The following MED27 variants were observed in gnomAD, a reference collection of about 807,000 sequenced individuals.
The protein encoded by MED27 is mediator complex subunit 27.
Under a neutral mutation model 38.2 loss-of-function variants are expected in MED27, and 30 were observed. That is an observed-to-expected ratio of 0.79 (90% CI 0.59 to 1.07). The LOEUF is 1.07. Ranked by LOEUF, MED27 falls within the 50% of genes least tolerant of loss-of-function variation. The pLI, the probability that MED27 is intolerant of heterozygous loss-of-function variation, is 0.00. For missense variants in MED27, 289 were observed against 397.5 expected (o/e 0.73, Z 2.32); for synonymous variants, 122 against 153.5 (o/e 0.79, Z 1.52).
In MED27 at chr9:132,077,549, A is replaced by G; in HGVS notation, c.241T>C (p.Ser81Pro). The G allele has an allele frequency of 6.2e-7, 1 of 1,614,180 alleles. No homozygotes were observed. The change falls in exon 2 of 8, where the codon TCT (serine) becomes CCT (proline). Residue 81 changes from serine to proline, a missense_variant. Transcript: ENST00000292035. ...CTGTTATGAAGAGGATGGTTCTCAGATGGCTTGCCTACCAGATTGCTCAGA... is the reference window on the plus strand; with the variant it reads ...CTGTTATGAAGAGGATGGTTCTCAGGTGGCTTGCCTACCAGATTGCTCAGA... ...ERLSNLVGKP[S>P]ENHPLHNSGL...
At chr9:131,887,324 T>G (rs183070106) in intron 5 of MED27, among the ~76,000 whole-genome samples, 1 of 152,288 alleles carries the variant, frequency 6.6e-6, no homozygotes, top group Admixed American at 6.5e-5. Context: ...TTAAAAGGTT[T>G]AAATGTATTA....
chr9:132,069,597 T>C (rs1012321624), intron 2 of MED27, among the ~76,000 whole-genome samples: 2 of 152,172 alleles, frequency 1.3e-5, no homozygotes, highest in African/African-American at 2.4e-5. Flanking sequence ...CTCTGGAGCA[T>C]ACAAAAAGGC....
chr9:132,075,894 G>A (rs1449130824), intron 2 of MED27, among the ~76,000 whole-genome samples: 3 of 152,076 alleles, frequency 2.0e-5, no homozygotes, highest in Non-Finnish European at 2.9e-5. Context: ...CATCCCTTCC[G>A]GGAACTCCCT....
rs569505345 is a variant in MED27 at position 131,966,243 on chromosome 9, G to A, written c.480-26769C>T. 3.5e-5 allele frequency among the ~76,000 whole-genome samples: 5 copies of A among 143,460 alleles called. 1 individual carries two copies. The East Asian group carries it at 1.0e-3, about 29-fold the overall frequency. The allele number at this position is 143,460 out of a possible 152,430, so 94.1% of individuals were successfully genotyped here. On this transcript the variant is annotated intron_variant, in intron 3 of 7. Coordinates refer to ENST00000292035, the MANE Select transcript of MED27 (RefSeq NM_004269.4). ...AAACAAAACCAAAAGCAACTGATTTGCCAGGCATGGTGGCATGTGCCTGTA... is the reference window on the plus strand; with the variant it reads ...AAACAAAACCAAAAGCAACTGATTTACCAGGCATGGTGGCATGTGCCTGTA...
At position 131,978,941 on chromosome 9, in the gene MED27, C is replaced by T. The variant is rs957894920; in HGVS notation, c.479+35396G>A. Among the ~76,000 whole-genome samples, 4 of 152,220 alleles carry T rather than the reference C, an allele frequency of 2.6e-5. No homozygotes were observed. In the East Asian group the frequency reaches 7.7e-4, roughly 29 times the overall value. On this transcript the variant is annotated intron_variant, in intron 3 of 7. Coordinates refer to ENST00000292035, the MANE Select transcript of MED27 (RefSeq NM_004269.4). ...TCATCCCTACCCTTTCTCCCACTTT[C>T]CTTGCTCTTCCTTTATACTACAAAG...
chr9:132,026,036 C>T (rs989968758), intron 2 of MED27, among the ~76,000 whole-genome samples: 8 of 152,212 alleles, frequency 5.3e-5, no homozygotes, highest in East Asian at 1.9e-4. Context: ...GAGCCTAATA[C>T]GAGAAGGGCT....
At chr9:131,890,432 A>C (rs546546152) in intron 5 of MED27, among the ~76,000 whole-genome samples, 2 of 152,324 alleles carry the variant, frequency 1.3e-5, no homozygotes, top group African/African-American at 4.8e-5. Flanking sequence ...TTTCCTTCGG[A>C]GAAAGAGAGA....
At chr9:131,926,173 C>G (rs1830479694) in intron 4 of MED27, among the ~76,000 whole-genome samples, 1 of 152,208 alleles carries the variant, frequency 6.6e-6, no homozygotes. Flanking sequence ...ATTTTCTATG[C>G]TACAGACAGG....
chr9:131,954,991 A>G (rs1328583417), intron 3 of MED27, among the ~76,000 whole-genome samples: 1 of 152,150 alleles, frequency 6.6e-6, no homozygotes, highest in Non-Finnish European at 1.5e-5. Flanking sequence ...TATATATTCT[A>G]TATCCCAAAA....
chr9:131,866,044 C>T (rs543533392), intron 6 of MED27, among the ~76,000 whole-genome samples: 4 of 152,328 alleles, frequency 2.6e-5, no homozygotes, highest in Admixed American at 2.6e-4. Flanking sequence ...CTACTCCACT[C>T]ATCAGGGGCC....
intron 2 of MED27, among the ~76,000 whole-genome samples, chr9:132,040,249 G>C (rs956250214): frequency 2.0e-5 from 3 of 152,182 alleles, no homozygotes; most frequent in Admixed American, 6.5e-5. Context: ...TCTTCCCTGC[G>C]GCGGGGAAAT....
At chr9:131,890,638 C>T in intron 5 of MED27, among the ~76,000 whole-genome samples, 1 of 152,188 alleles carries the variant, frequency 6.6e-6, no homozygotes, top group East Asian at 1.9e-4. Flanking sequence ...TCCTCCCAGA[C>T]AGGACTGGGC....
chr9:131,969,972 G>A (rs979477619), intron 3 of MED27, among the ~76,000 whole-genome samples: 15 of 152,176 alleles, frequency 9.9e-5, no homozygotes, highest in Non-Finnish European at 1.8e-4. Context: ...GGGCTGGGGG[G>A]GGGTGGGGGC....
intron 3 of MED27, among the ~76,000 whole-genome samples, chr9:131,994,209 T>C (rs1832040755): frequency 6.6e-6 from 1 of 152,206 alleles, no homozygotes; most frequent in African/African-American, 2.4e-5. Flanking sequence ...TACATTGTTT[T>C]GCTTCAAGTC....
chr9:131,892,752 T>C (rs1839249726), intron 5 of MED27, among the ~76,000 whole-genome samples: 1 of 152,186 alleles, frequency 6.6e-6, no homozygotes, highest in Non-Finnish European at 1.5e-5. Flanking sequence ...GGAGCAGCTG[T>C]CAGAGTTTAC....
chr9:131,906,952 C>T (rs937277012), intron 4 of MED27, among the ~76,000 whole-genome samples: 1 of 152,154 alleles, frequency 6.6e-6, no homozygotes, highest in African/African-American at 2.4e-5. Context: ...AGGTTAACTT[C>T]CTGACATTGC....
chr9:131,979,686 G>C (rs1012428959), intron 3 of MED27, among the ~76,000 whole-genome samples: 2 of 152,162 alleles, frequency 1.3e-5, no homozygotes, highest in Non-Finnish European at 2.9e-5. Flanking sequence ...TTTAGGAATG[G>C]AGAGTTTACA....
At chr9:132,015,270 T>C (rs954355482) in intron 2 of MED27, among the ~76,000 whole-genome samples, 1 of 152,206 alleles carries the variant, frequency 6.6e-6, no homozygotes, top group Non-Finnish European at 1.5e-5. Context: ...TTCAAGTCCA[T>C]GGACATGCAA....
intron 3 of MED27, among the ~76,000 whole-genome samples, chr9:131,961,698 C>A (rs1831218876): frequency 2.0e-5 from 3 of 152,214 alleles, no homozygotes; most frequent in African/African-American, 7.2e-5. Context: ...GAGCCTCATG[C>A]TGGGGAGGCG....
Sources: gnomAD v4.1 joint callset for allele counts (sites outside exome capture counted in the v4.1 genomes callset) on GRCh38, gnomAD v4.1.1 for gene constraint, MANE v1.5 for transcripts, NCBI Gene and HGNC (gene_info 2026-07-23, HGNC 2026-07-21) for gene names.